CACNA2D3: variants seen among roughly 807,000 people sequenced by gnomAD.
The protein encoded by CACNA2D3 is calcium voltage-gated channel auxiliary subunit alpha2delta 3.
A neutral mutation model predicts 160.6 loss-of-function variants in CACNA2D3; 60 were observed. The ratio of observed to expected loss-of-function variants is 0.37; its 90% CI spans 0.30 to 0.46. CACNA2D3 has a LOEUF of 0.46. Ranked by LOEUF, CACNA2D3 falls within the 20% of genes least tolerant of loss-of-function variation. The probability of loss-of-function intolerance (pLI) is 1.00; values close to 1 mark genes in which losing one functional copy is unlikely to be tolerated. For synonymous variants in CACNA2D3, 558 were observed against 492.9 expected (o/e 1.13, Z -1.75); for missense variants, 1,205 against 1,365.0 (o/e 0.88, Z 1.85).
chr3:55,004,615 G>C, intron 31 of CACNA2D3, 148 bp from the exon 32 acceptor site: 2 of 593,058 alleles, frequency 3.4e-6, no homozygotes, highest in South Asian at 2.2e-5. Context: ...CCTTTGCCAG[G>C]CTCCTTGTTC....
intron 11 of CACNA2D3, among the ~76,000 whole-genome samples, chr3:54,710,874 T>G (rs1462588752): frequency 6.6e-6 from 1 of 152,192 alleles, no homozygotes; most frequent in Non-Finnish European, 1.5e-5. Context: ...AATATTTAAT[T>G]AAATCTCCTT....
intron 11 of CACNA2D3, among the ~76,000 whole-genome samples, chr3:54,744,230 C>CAGGAG (rs1701706625): frequency 6.6e-6 from 1 of 152,160 alleles, no homozygotes; most frequent in Non-Finnish European, 1.5e-5. Flanking sequence ...TGAACTTTCT[C>CAGGAG]AGTTTGGTGA....
At chr3:54,433,068 A>G (rs1227428085) in intron 4 of CACNA2D3, among the ~76,000 whole-genome samples, 2 of 152,242 alleles carry the variant, frequency 1.3e-5, no homozygotes, top group African/African-American at 4.8e-5. Flanking sequence ...TCCAAGCAAA[A>G]AATGAACACA....
chr3:54,720,168 T>TG (rs1479093700), intron 11 of CACNA2D3, among the ~76,000 whole-genome samples: 1 of 151,988 alleles, frequency 6.6e-6, no homozygotes, highest in East Asian at 1.9e-4. Flanking sequence ...TCCACTTTCT[T>TG]GGGGTTAAAT....
chr3:54,571,726 T>A (rs1422959448), intron 8 of CACNA2D3, among the ~76,000 whole-genome samples: 1 of 151,958 alleles, frequency 6.6e-6, no homozygotes, highest in African/African-American at 2.4e-5. Context: ...GAGTAGTTGC[T>A]ATGGACAATG....
At chr3:54,947,386 A>G (rs1168447650) in intron 27 of CACNA2D3, among the ~76,000 whole-genome samples, 1 of 152,186 alleles carries the variant, frequency 6.6e-6, no homozygotes, top group Non-Finnish European at 1.5e-5. Context: ...TCTGGTTAGG[A>G]CTTGCTGAGC....
At chr3:54,355,253 A>G (rs1698628903) in intron 3 of CACNA2D3, among the ~76,000 whole-genome samples, 2 of 152,172 alleles carry the variant, frequency 1.3e-5, no homozygotes, top group African/African-American at 4.8e-5. Context: ...TGAGGCTAAG[A>G]TTAGGAATGT....
At chr3:54,684,039 C>T (rs1043595103) in intron 11 of CACNA2D3, among the ~76,000 whole-genome samples, 5 of 142,166 alleles carry the variant, frequency 3.5e-5, no homozygotes, top group Non-Finnish European at 4.5e-5. Context: ...GGTGCTATCT[C>T]GGCTCACTGC....
intron 14 of CACNA2D3, among the ~76,000 whole-genome samples, chr3:54,826,021 A>C (rs1559596862): frequency 6.6e-6 from 1 of 152,170 alleles, no homozygotes; most frequent in Non-Finnish European, 1.5e-5. Context: ...ATACAAATCG[A>C]ATTTTCTGAC....
chr3:54,296,409 G>T (rs1190922839), intron 2 of CACNA2D3, among the ~76,000 whole-genome samples: 1 of 152,168 alleles, frequency 6.6e-6, no homozygotes, highest in Non-Finnish European at 1.5e-5. Context: ...CCATCACATA[G>T]ACCCAGGTCT....
At position 54,759,087 on chromosome 3, in the gene CACNA2D3, A is replaced by G. The variant is rs141900963; in HGVS notation, c.1247-5131A>G. Among the ~76,000 whole-genome samples, 1,208 of 152,346 alleles carry G rather than the reference A, an allele frequency of 7.9e-3. 14 individuals are homozygous for G. Among genetic ancestry groups the G allele is most frequent in the African/African-American group, 0.027 (1,111 of 41,568 alleles). On this transcript the variant is annotated intron_variant, in intron 12 of 37. Transcript: ENST00000474759. ...CACTGCGTTGCATATGGTTTATCAC[A>G]TGCAGTATTTGTAACCCAGAGTTCA...
intron 11 of CACNA2D3, among the ~76,000 whole-genome samples, chr3:54,669,068 A>G (rs1279294047): frequency 1.3e-5 from 2 of 152,068 alleles, no homozygotes; most frequent in Admixed American, 1.3e-4. Context: ...GAGATGTCTT[A>G]TTGTTTGGCT....
At chr3:54,896,896 T>C (rs368223479) in intron 26 of CACNA2D3, 26 bp downstream of exon 26, 1 of 1,613,572 alleles carries the variant, frequency 6.2e-7, no homozygotes, top group African/African-American at 1.3e-5. Flanking sequence ...GGAGGCGGGC[T>C]CTGTCTGTCT....
At chr3:54,309,997 A>G (rs2107498477) in intron 2 of CACNA2D3, among the ~76,000 whole-genome samples, 1 of 152,070 alleles carries the variant, frequency 6.6e-6, no homozygotes, top group South Asian at 2.1e-4. Context: ...TTTTGTTCAG[A>G]TTCAAATAGT....
intron 4 of CACNA2D3, among the ~76,000 whole-genome samples, chr3:54,412,610 C>CT (rs774491527): frequency 9.1e-5 from 11 of 120,600 alleles, no homozygotes; most frequent in South Asian, 2.8e-4. Context: ...TGGTCTTGTT[C>CT]TTTTTTTTTT....
intron 4 of CACNA2D3, among the ~76,000 whole-genome samples, chr3:54,422,429 C>T (rs1427529860): frequency 6.6e-6 from 1 of 152,082 alleles, no homozygotes; most frequent in Non-Finnish European, 1.5e-5. Flanking sequence ...GACAAAGGAC[C>T]AGTATGAAGG....
At chr3:54,298,157 A>G (rs1307735592) in intron 2 of CACNA2D3, among the ~76,000 whole-genome samples, 1 of 152,182 alleles carries the variant, frequency 6.6e-6, no homozygotes, top group Non-Finnish European at 1.5e-5. Flanking sequence ...GTGGCCCTTG[A>G]TCTGGGTATT....
chr3:54,626,751 C>A (rs1262932716), intron 9 of CACNA2D3: 3 of 647,504 alleles, frequency 4.6e-6, no homozygotes, highest in Non-Finnish European at 8.0e-6. Context: ...GACTGGAAAG[C>A]AAAGCGAGGC....
chr3:54,826,342 G>A (rs1480791445), intron 14 of CACNA2D3, among the ~76,000 whole-genome samples: 1 of 152,186 alleles, frequency 6.6e-6, no homozygotes, highest in Non-Finnish European at 1.5e-5. Context: ...AACTGGAGCA[G>A]TTGTGCAATC....
Sources: allele counts gnomAD v4.1 joint callset (sites outside exome capture counted in the v4.1 genomes callset), GRCh38; gene constraint gnomAD v4.1.1; transcripts MANE v1.5; gene names NCBI Gene and HGNC (gene_info 2026-07-23, HGNC 2026-07-21).